Variants in DHX57 observed in about 807,000 individuals in gnomAD.
DHX57 encodes DExH-box helicase 57.
In DHX57, 105 loss-of-function variants were observed where a neutral mutation model predicts 156.2. The observed-to-expected ratio is 0.67, with a 90% CI of 0.57 to 0.79. The LOEUF is 0.79. DHX57 is among the 30% of genes least tolerant of loss of function. The pLI is 0.00. For synonymous variants in DHX57, 704 were observed against 595.6 expected, an observed-to-expected ratio of 1.18 and a Z score of -2.65; for missense variants, 1,847 against 1,661.9, an observed-to-expected ratio of 1.11 and a Z score of -1.94.
chr2:38,821,964 A>G (rs1326865463), intron 17 of DHX57, among the ~76,000 whole-genome samples: 1 of 152,230 alleles, frequency 6.6e-6, no homozygotes, highest in African/African-American at 2.4e-5. Flanking sequence ...AGACAATCTG[A>G]AAAGTCCTAG....
At chr2:38,808,320 C>T (rs900787052) in intron 21 of DHX57, among the ~76,000 whole-genome samples, 1 of 152,058 alleles carries the variant, frequency 6.6e-6, no homozygotes, top group Non-Finnish European at 1.5e-5. Context: ...AAAACATAAA[C>T]ACATAAATAA....
At chr2:38,828,581 T>G (rs1671225453) in intron 13 of DHX57, 145 bp from the exon 14 acceptor site, 2 of 571,528 alleles carry the variant, frequency 3.5e-6, no homozygotes, top group Admixed American at 3.5e-5. Context: ...AAATATGCAA[T>G]AATCTGAGAA....
chr2:38,832,220 C>A (rs1403175830), intron 13 of DHX57, among the ~76,000 whole-genome samples: 1 of 152,108 alleles, frequency 6.6e-6, no homozygotes, highest in Non-Finnish European at 1.5e-5. Context: ...ACGGGCAGAT[C>A]ATCTGAGTCA....
chr2:38,856,410 A>G lies in DHX57; in HGVS notation c.1639T>C (p.Trp547Arg). 6.2e-7 allele frequency: 1 copy of G among 1,613,952 alleles called. No homozygotes were observed. Among genetic ancestry groups the G allele is most frequent in the Non-Finnish European group, 8.5e-7 (1 of 1,179,974 alleles). ...ILQERQSLPA[W>R]EERETILNLL... Reference sequence around the variant, plus strand: ...TTAAGAATGGTTTCTCTTTCTTCCCAAGCAGGGAGTGATTGCCTCTCTTGC... The same window carrying G: ...TTAAGAATGGTTTCTCTTTCTTCCCGAGCAGGGAGTGATTGCCTCTCTTGC... The change falls in exon 7 of 24, where the codon TGG (tryptophan) becomes CGG (arginine). Residue 547 changes from tryptophan to arginine, a missense_variant. By Grantham distance (101) the Trp-to-Arg change is moderately radical. Coordinates refer to ENST00000457308, the MANE Select transcript of DHX57 (RefSeq NM_198963.3).
At chr2:38,810,928 A>T in intron 21 of DHX57, 1 of 827,290 alleles carries the variant, frequency 1.2e-6, no homozygotes, top group African/African-American at 1.7e-5. Flanking sequence ...GTACATGAAG[A>T]GCACCAAGGA....
chr2:38,808,040 C>T (rs576478052), intron 21 of DHX57, among the ~76,000 whole-genome samples: 40 of 147,970 alleles, frequency 2.7e-4, no homozygotes, highest in Non-Finnish European at 5.0e-4. Context: ...CTGCAACCTC[C>T]GCCTCTCGGG....
intron 2 of DHX57, among the ~76,000 whole-genome samples, chr2:38,864,340 G>T (rs960263901): frequency 3.3e-5 from 5 of 150,810 alleles, no homozygotes; most frequent in African/African-American, 9.8e-5. Flanking sequence ...AGCCCCAGGA[G>T]TTCGAGACCA....
chr2:38,864,695 C>G (rs1664966084), intron 2 of DHX57, among the ~76,000 whole-genome samples: 1 of 152,136 alleles, frequency 6.6e-6, no homozygotes, highest in South Asian at 2.1e-4. Flanking sequence ...TGAAACCAAG[C>G]CAAATCCTCC....
intron 12 of DHX57, among the ~76,000 whole-genome samples, chr2:38,840,201 G>A (rs962247150): frequency 6.6e-6 from 1 of 151,908 alleles, no homozygotes; most frequent in East Asian, 1.9e-4. Flanking sequence ...GGCCTCAGCC[G>A]CTCAAAGTGC....
chr2:38,869,842 CAA>C (rs1445510512), intron 1 of DHX57, among the ~76,000 whole-genome samples: 2 of 152,206 alleles, frequency 1.3e-5, no homozygotes, highest in Admixed American at 6.5e-5. Context: ...AGAAAAAGCA[CAA>C]ACTGCCTATG....
rs1671211306 is a variant in DHX57 at position 38,828,358 on chromosome 2, T to C, written c.2621A>G (p.Asn874Ser). 6.2e-7 allele frequency: 1 copy of C among 1,612,288 alleles called. No homozygotes were observed. Among genetic ancestry groups the C allele is most frequent in the Non-Finnish European group, 8.5e-7 (1 of 1,179,408 alleles). Residue 874 changes from asparagine to serine, a missense_variant, in exon 14 of 24, where the codon AAC becomes AGC. Transcript: ENST00000457308. ...AGCTTACCGATTACTACGTCTGTTG[T>C]TGAAAAGAGAATTAGACTGTAGCTG... ...YEQLQSNSLF[N>S]NRRSNRCVIH...
chr2:38,823,321 C>T lies in DHX57; in HGVS notation c.3015-52G>A, dbSNP rs1487205093. Reference sequence around the variant, plus strand: ...GTCAATTTTATTTCTGGTGGGATGACACAGAGGAATAATTTCTTTTGTGAG... The same window carrying T: ...GTCAATTTTATTTCTGGTGGGATGATACAGAGGAATAATTTCTTTTGTGAG... On this transcript the variant is annotated intron_variant, in intron 16 of 23. Transcript: ENST00000457308. The T allele has an allele frequency of 4.0e-6, 6 of 1,516,074 alleles. No individual in the cohort carries two copies. In the Admixed American group the frequency reaches 1.2e-4, roughly 29 times the overall value. 93.9% of individuals were successfully genotyped at this position (1,516,074 alleles called of 1,614,324 possible).
In DHX57 at chr2:38,862,958, A is replaced by C. The variant is rs138092735; in HGVS notation, c.383+403T>G. 458 of 160,396 alleles carry C rather than the reference A, an allele frequency of 2.9e-3. 5 individuals are homozygous for C. The highest frequency in any genetic ancestry group is 1.0e-2 in the African/African-American group (417 of 41,758). 9.9% of individuals were successfully genotyped at this position (160,396 alleles called of 1,614,324 possible). On this transcript the variant is annotated intron_variant, in intron 3 of 23. Coordinates refer to ENST00000457308, the MANE Select transcript of DHX57 (RefSeq NM_198963.3). Reference sequence around the variant, plus strand: ...CGAAATGCAGTAGAGTGGGAAACGAATAAGATTTAAGAGTAAAAGCTTTCT... The same window carrying C: ...CGAAATGCAGTAGAGTGGGAAACGACTAAGATTTAAGAGTAAAAGCTTTCT...
intron 1 of DHX57, among the ~76,000 whole-genome samples, chr2:38,870,832 T>C (rs962631726): frequency 2.6e-5 from 4 of 151,832 alleles, no homozygotes; most frequent in African/African-American, 4.8e-5. Context: ...TGAGCCGAGA[T>C]TGCGCCACTG....
At chr2:38,813,685 A>C in intron 21 of DHX57, 136 bp downstream of exon 21, 1 of 1,006,486 alleles carries the variant, frequency 9.9e-7, no homozygotes, top group Non-Finnish European at 1.4e-6. Context: ...AATGTATACT[A>C]AGTTTAAAAG....
At chr2:38,869,875 T>G (rs773498468) in intron 1 of DHX57, among the ~76,000 whole-genome samples, 1 of 152,100 alleles carries the variant, frequency 6.6e-6, no homozygotes, top group African/African-American at 2.4e-5. Context: ...GATGTCAGAT[T>G]TAACAGAAAA....
intron 21 of DHX57, among the ~76,000 whole-genome samples, chr2:38,808,086 C>T (rs1572620556): frequency 6.6e-6 from 1 of 151,298 alleles, no homozygotes; most frequent in African/African-American, 2.4e-5. Flanking sequence ...TCTTGAGTAG[C>T]TGGGACTAAA....
Position 38,832,947 on chromosome 2 carries a change from T to C in DHX57, c.2543-4511A>G, listed in dbSNP as rs1417825300. On this transcript the variant is annotated intron_variant, in intron 13 of 23. Coordinates refer to ENST00000457308, the MANE Select transcript of DHX57 (RefSeq NM_198963.3). ...ATGCTGTAGGCACTGTTCTAGGGTC[T>C]GAGAAATACAGTGGTGAACAAGAAA... Among the ~76,000 whole-genome samples, 6 of 151,984 alleles carry C rather than the reference T, an allele frequency of 3.9e-5. No individual in the cohort carries two copies. In the East Asian group the frequency reaches 1.2e-3, roughly 29 times the overall value.
chr2:38,815,716 C>A lies in DHX57; in HGVS notation c.3472-61G>T, dbSNP rs1028202866. 45 of 1,599,984 alleles carry A rather than the reference C, an allele frequency of 2.8e-5. 2 individuals are homozygous for A. In the South Asian group the frequency reaches 5.0e-4, roughly 18 times the overall value. On this transcript the variant is annotated intron_variant, in intron 19 of 23. Coordinates refer to ENST00000457308, the MANE Select transcript of DHX57 (RefSeq NM_198963.3). ...CAGCATAACAAAGTGTTAAGTCTTA[C>A]AAAAATGAGTGATTATAAAAATGCA...
Sources: gnomAD v4.1 joint callset for allele counts (sites outside exome capture counted in the v4.1 genomes callset) on GRCh38, gnomAD v4.1.1 for gene constraint, MANE v1.5 for transcripts, NCBI Gene and HGNC (gene_info 2026-07-23, HGNC 2026-07-21) for gene names.